Variants in FGF18 observed in about 807,000 individuals in gnomAD.
FGF18 encodes the protein fibroblast growth factor 18.
FGF18 carries 5 observed loss-of-function variants against 23.0 expected under a neutral mutation model. That is an observed-to-expected ratio of 0.22 (90% CI 0.11 to 0.46). FGF18 has a LOEUF of 0.46. Ranked by LOEUF, FGF18 falls within the 20% of genes least tolerant of loss-of-function variation. The pLI, the probability that FGF18 is intolerant of heterozygous loss-of-function variation, is 0.99. For synonymous variants in FGF18, 117 were observed against 118.9 expected, an observed-to-expected ratio of 0.98 and a Z score of 0.10; for missense variants, 180 against 291.6, an observed-to-expected ratio of 0.62 and a Z score of 2.79.
intron 4 of FGF18, among the ~76,000 whole-genome samples, chr5:171,449,849 G>A (rs1472193314): frequency 1.4e-5 from 2 of 138,830 alleles, no homozygotes; most frequent in African/African-American, 5.2e-5. Context: ...AGGTTGGGGG[G>A]ACCCTCGGGT....
At chr5:171,429,854 C>G (rs1349011371) in intron 2 of FGF18, among the ~76,000 whole-genome samples, 1 of 152,242 alleles carries the variant, frequency 6.6e-6, no homozygotes, top group Non-Finnish European at 1.5e-5. Context: ...TCCTTACCCC[C>G]AAACTATGGC....
At chr5:171,443,273 G>A (rs1374455228) in intron 3 of FGF18, among the ~76,000 whole-genome samples, 1 of 151,738 alleles carries the variant, frequency 6.6e-6, no homozygotes, top group African/African-American at 2.4e-5. Flanking sequence ...GGGATTACAG[G>A]CATGTGCCAC....
intron 2 of FGF18, among the ~76,000 whole-genome samples, chr5:171,428,050 C>A (rs988423578): frequency 6.6e-6 from 1 of 152,178 alleles, no homozygotes; most frequent in Non-Finnish European, 1.5e-5. Flanking sequence ...CTTGGCATAG[C>A]GCCTGGCTCA....
In FGF18 at chr5:171,436,060, G is replaced by A. The variant is rs765857395; in HGVS notation, c.70-33G>A. Reference sequence around the variant, plus strand: ...TGCATGCAGTGGGCCTGGGACATCTGGGGTGGCTTACTGTGTCCTTTTCCC... The same window carrying A: ...TGCATGCAGTGGGCCTGGGACATCTAGGGTGGCTTACTGTGTCCTTTTCCC... On this transcript the variant is annotated intron_variant, in intron 2 of 4. Transcript: ENST00000274625. This position sits in a 1 kb window ranked among gnomAD's most constrained non-coding sequence, Gnocchi z 4.4. 1 of 1,465,780 alleles carries A rather than the reference G, an allele frequency of 6.8e-7. No individual in the cohort carries two copies. Among genetic ancestry groups the A allele is most frequent in the Admixed American group, 2.4e-5 (1 of 42,120 alleles). The allele number at this position is 1,465,780 out of a possible 1,614,324, so 90.8% of individuals were successfully genotyped here.
rs1017706259 is a variant in FGF18 at position 171,434,170 on chromosome 5, G to A, written c.70-1923G>A. ...GGCTGCCCGCAGGGGTGGGGCACAG[G>A]AAACACAGTCTTTAGGGTCACAAGG... On this transcript the variant is annotated intron_variant, in intron 2 of 4. Coordinates refer to ENST00000274625, the MANE Select transcript of FGF18 (RefSeq NM_003862.3). This position sits in a 1 kb window ranked among gnomAD's most constrained non-coding sequence, Gnocchi z 4.6. Among the ~76,000 whole-genome samples the A allele has an allele frequency of 6.6e-6, 1 of 152,218 alleles. No homozygotes were observed. The highest frequency in any genetic ancestry group is 2.4e-5 in the African/African-American group (1 of 41,446).
At chr5:171,455,933 G>A (rs912995807) in intron 4 of FGF18, among the ~76,000 whole-genome samples, 1 of 152,130 alleles carries the variant, frequency 6.6e-6, no homozygotes, top group African/African-American at 2.4e-5. Context: ...GGAGGGTGGG[G>A]GAAAGATGCA....
intron 4 of FGF18, among the ~76,000 whole-genome samples, chr5:171,450,946 G>A (rs1772495429): frequency 6.6e-6 from 1 of 151,956 alleles, no homozygotes; most frequent in African/African-American, 2.4e-5. Context: ...GCCAGTGCCC[G>A]TGCCCACGCC....
At chr5:171,452,762 T>C (rs886543337) in intron 4 of FGF18, among the ~76,000 whole-genome samples, 1 of 152,038 alleles carries the variant, frequency 6.6e-6, no homozygotes, top group African/African-American at 2.4e-5. Context: ...GGCAGGGGAG[T>C]GCTCTGCCCA....
intron 3 of FGF18, among the ~76,000 whole-genome samples, chr5:171,443,506 T>TCA (rs1324445770): frequency 4.5e-5 from 3 of 65,942 alleles, no homozygotes; most frequent in Non-Finnish European, 1.0e-4. Context: ...TCATCATTTT[T>TCA]TTTTTTTTTT....
At chr5:171,435,981 C>T in intron 2 of FGF18, 112 bp from the exon 3 acceptor site, 1 of 855,220 alleles carries the variant, frequency 1.2e-6, no homozygotes, top group Non-Finnish European at 1.6e-6. Flanking sequence ...CACGGCCTGG[C>T]TCAGAGCCGG....
At position 171,456,532 on chromosome 5, in the gene FGF18, C is replaced by T. The variant is rs1439624767; in HGVS notation, c.358-7C>T. 2 of 1,610,702 alleles carry T rather than the reference C, an allele frequency of 1.2e-6. No homozygotes were observed. The highest frequency in any genetic ancestry group is 1.3e-5 in the African/African-American group (1 of 74,950). On this transcript the variant is annotated splice_region_variant and splice_polypyrimidine_tract_variant and intron_variant, in intron 4 of 4. Coordinates refer to ENST00000274625, the MANE Select transcript of FGF18 (RefSeq NM_003862.3). This position sits in a 1 kb window ranked among gnomAD's most constrained non-coding sequence, Gnocchi z 6.1. ...TTTCTTGAACACTCCCCCTCTCTCC[C>T]CTGCAGCCCGATGGCACCAGCAAGG...
At chr5:171,437,774 G>A (rs1443168610) in intron 3 of FGF18, among the ~76,000 whole-genome samples, 1 of 152,204 alleles carries the variant, frequency 6.6e-6, no homozygotes, top group Non-Finnish European at 1.5e-5. Context: ...CTGGCTGGCC[G>A]TGGCAGGAGG....
chr5:171,443,335 C>T (rs535294722), intron 3 of FGF18, among the ~76,000 whole-genome samples: 16 of 152,014 alleles, frequency 1.1e-4, no homozygotes, highest in African/African-American at 3.9e-4. Flanking sequence ...TTCACCACGT[C>T]GGTCAGGCTG....
chr5:171,455,673 T>A (rs1772570677), intron 4 of FGF18, among the ~76,000 whole-genome samples: 2 of 152,246 alleles, frequency 1.3e-5, no homozygotes, highest in Admixed American at 6.5e-5. Flanking sequence ...TGGCTGCCTC[T>A]GCTTCAGCCT....
At chr5:171,450,206 G>A (rs2113362566) in intron 4 of FGF18, among the ~76,000 whole-genome samples, 1 of 151,860 alleles carries the variant, frequency 6.6e-6, no homozygotes, top group South Asian at 2.1e-4. Context: ...TCTTGTTGGG[G>A]GTGGGGGAGA....
At chr5:171,453,696 G>A (rs907814019) in intron 4 of FGF18, among the ~76,000 whole-genome samples, 7 of 152,180 alleles carry the variant, frequency 4.6e-5, no homozygotes, top group African/African-American at 1.7e-4. Context: ...AATGGAAGTA[G>A]CAATGTTTGG....
At chr5:171,444,179 C>T (rs955071258) in intron 3 of FGF18, among the ~76,000 whole-genome samples, 19 of 152,138 alleles carry the variant, frequency 1.2e-4, no homozygotes, top group African/African-American at 4.3e-4. Context: ...TAACTTCTGC[C>T]CAAAGAAAGT....
chr5:171,420,271 G>A, intron 1 of FGF18, 40 bp downstream of exon 1: 1 of 1,602,022 alleles, frequency 6.2e-7, no homozygotes, highest in South Asian at 1.1e-5. Context: ...TTGCCTGGCT[G>A]TCTGTCCGTA....
chr5:171,425,625 G>A (rs1164874840), intron 2 of FGF18, among the ~76,000 whole-genome samples: 1 of 151,502 alleles, frequency 6.6e-6, no homozygotes, highest in East Asian at 1.9e-4. Context: ...CTGCCTGCCG[G>A]GTTCACGCCA....
Sources: allele counts gnomAD v4.1 joint callset (sites outside exome capture counted in the v4.1 genomes callset), GRCh38; gene constraint gnomAD v4.1.1; non-coding constraint Gnocchi (gnomAD v3.1); transcripts MANE v1.5; gene names NCBI Gene and HGNC (gene_info 2026-07-23, HGNC 2026-07-21).